EML1: variants seen among roughly 807,000 people sequenced by gnomAD.
EML1 encodes echinoderm microtubule-associated protein-like 1.
EML1 carries 27 observed loss-of-function variants against 110.4 expected under a neutral mutation model. The observed-to-expected ratio is 0.24, with a 90% CI of 0.18 to 0.34. EML1 has a LOEUF of 0.34. Among genes scored for constraint, EML1 ranks in the 10% least tolerant of loss-of-function variants. EML1 has a pLI of 1.00. For synonymous variants in EML1, 344 were observed against 385.8 expected (o/e 0.89, Z 1.27); for missense variants, 741 against 1,030.9 (o/e 0.72, Z 3.85).
At chr14:99,856,972 TTTTTTA>T (rs1467632379) in intron 2 of EML1, among the ~76,000 whole-genome samples, 1 of 152,200 alleles carries the variant, frequency 6.6e-6, no homozygotes, top group African/African-American at 2.4e-5. Context: ...ATATAGACTC[TTTTTTA>T]AAGTCCATAA....
In EML1 at chr14:99,940,994, T is replaced by G. The variant is rs2060579789; in HGVS notation, c.*882T>G. The G allele has an allele frequency of 6.6e-6, 1 of 152,202 alleles. No homozygotes were observed. Among genetic ancestry groups the G allele is most frequent in the Non-Finnish European group, 1.5e-5 (1 of 68,038 alleles). The allele number at this position is 152,202 out of a possible 1,614,324, so 9.4% of individuals were successfully genotyped here. A position where few individuals can be genotyped will look rare whatever the true frequency, so the allele number is the denominator to read the frequency against. ...GTCTTATGCTTATGGACATTGTATA[T>G]TTGTATTTTATGACCAAGTAGACCA... On this transcript the variant is annotated 3_prime_UTR_variant, in exon 22 of 22. Transcript: ENST00000262233.
At chr14:99,844,441 C>T (rs1290685783) in intron 1 of EML1, among the ~76,000 whole-genome samples, 2 of 149,910 alleles carry the variant, frequency 1.3e-5, no homozygotes, top group Admixed American at 1.3e-4. Flanking sequence ...ATCATACCAC[C>T]GCACTCCAGC....
Position 99,781,279 on chromosome 14 carries a change from C to G in EML1, c.-27+7266C>G, listed in dbSNP as rs1227657648. On this transcript the variant is annotated intron_variant, in intron 1 of 22. Coordinates refer to the EML1 transcript ENST00000327921. This position sits in a 1 kb window ranked among gnomAD's most constrained non-coding sequence, Gnocchi z 4.2. Reference sequence around the variant, plus strand: ...GTTTCCCGGTGCCTTTCTCCTCCCCCACCACCTGTTTCCTGGCCAGCTCTA... The same window carrying G: ...GTTTCCCGGTGCCTTTCTCCTCCCCGACCACCTGTTTCCTGGCCAGCTCTA... Among the ~76,000 whole-genome samples the G allele has an allele frequency of 1.3e-5, 2 of 152,144 alleles. No homozygotes were observed. Among genetic ancestry groups the G allele is most frequent in the Non-Finnish European group, 2.9e-5 (2 of 68,022 alleles).
At chr14:99,831,274 A>T (rs184074800) in intron 1 of EML1, among the ~76,000 whole-genome samples, 22 of 151,870 alleles carry the variant, frequency 1.4e-4, no homozygotes, top group African/African-American at 5.1e-4. Context: ...AGATCTGAAT[A>T]TTCCGCAAAA....
At chr14:99,904,822 G>A (rs775422408) in intron 9 of EML1, among the ~76,000 whole-genome samples, 3 of 152,168 alleles carry the variant, frequency 2.0e-5, no homozygotes, top group Non-Finnish European at 2.9e-5. Flanking sequence ...TGACCAGTTT[G>A]CTGTGCTACT....
At chr14:99,881,726 G>A (rs2059387666) in intron 4 of EML1, among the ~76,000 whole-genome samples, 2 of 151,428 alleles carry the variant, frequency 1.3e-5, no homozygotes, top group Admixed American at 1.3e-4. Context: ...TCAGCCTCCC[G>A]AGAAGCTGGG....
chr14:99,795,289 T>C (rs1052963779), intron 1 of EML1, among the ~76,000 whole-genome samples: 10 of 152,240 alleles, frequency 6.6e-5, no homozygotes, highest in African/African-American at 1.4e-4. Flanking sequence ...CCTAGAGATA[T>C]TGGCATGGTA....
intron 8 of EML1, among the ~76,000 whole-genome samples, chr14:99,899,200 T>TC (rs2308182): frequency 2.6e-5 from 4 of 151,918 alleles, no homozygotes; most frequent in Admixed American, 1.3e-4. Flanking sequence ...GAAACTAATT[T>TC]AAGTACATAC....
In EML1 at chr14:99,756,668, G is replaced by A. The variant is rs111263883; in HGVS notation, c.28+18808G>A. The stretch of plus-strand genomic sequence containing the variant: ...TCAAACGCTGGTGGGCACTGCAGTC[G>A]CCTGGAGGTGGGGAGGTGTTTGTTA... On this transcript the variant is annotated intron_variant, in intron 1 of 10. Transcript: ENST00000554479. Among the ~76,000 whole-genome samples, 8 of 152,246 alleles carry A rather than the reference G, an allele frequency of 5.3e-5. 1 individual carries two copies. The highest frequency in any genetic ancestry group is 2.0e-4 in the Admixed American group (3 of 15,292).
At chr14:99,850,335 A>G in intron 1 of EML1, 1 of 1,289,082 alleles carries the variant, frequency 7.8e-7, no homozygotes, top group South Asian at 1.2e-5. Flanking sequence ...GATTCTGAGT[A>G]AGAAAATATG....
At chr14:99,883,072 G>A (rs1309925490) in intron 4 of EML1, among the ~76,000 whole-genome samples, 3 of 152,078 alleles carry the variant, frequency 2.0e-5, no homozygotes, top group Non-Finnish European at 2.9e-5. Context: ...TGCTGCCGTC[G>A]GCTCAACAGT....
intron 1 of EML1, among the ~76,000 whole-genome samples, chr14:99,776,199 A>C (rs1323527471): frequency 2.6e-5 from 4 of 152,172 alleles, no homozygotes; most frequent in Admixed American, 1.3e-4. Flanking sequence ...AATGGAGGAA[A>C]TATAAAAACC....
chr14:99,847,595 G>A (rs1297092709), intron 1 of EML1, among the ~76,000 whole-genome samples: 1 of 152,124 alleles, frequency 6.6e-6, no homozygotes, highest in Non-Finnish European at 1.5e-5. Context: ...TGTTCTATCA[G>A]TTGCTGAGAG....
At chr14:99,828,700 G>T (rs1003689909) in intron 1 of EML1, among the ~76,000 whole-genome samples, 1 of 152,082 alleles carries the variant, frequency 6.6e-6, no homozygotes, top group Non-Finnish European at 1.5e-5. Context: ...ACTACAAATA[G>T]CCTGCTGTTG....
At chr14:99,865,750 A>T in intron 3 of EML1, 104 bp downstream of exon 3, 1 of 1,398,856 alleles carries the variant, frequency 7.1e-7, no homozygotes, top group Non-Finnish European at 9.5e-7. Context: ...TTCTTCTGTG[A>T]GTTAAAGCTT....
At chr14:99,880,502 G>A (rs1383691466) in intron 4 of EML1, among the ~76,000 whole-genome samples, 1 of 152,116 alleles carries the variant, frequency 6.6e-6, no homozygotes, top group Non-Finnish European at 1.5e-5. Flanking sequence ...CTCGAGGATG[G>A]GACACAGGGA....
Position 99,781,142 on chromosome 14 carries a change from C to T in EML1, c.-27+7129C>T, listed in dbSNP as rs377101009. On this transcript the variant is annotated intron_variant, in intron 1 of 22. Coordinates refer to the EML1 transcript ENST00000327921. The surrounding 1 kb of genome is among the most constrained non-coding windows in gnomAD (Gnocchi z 4.2). ...TCCTCTGGACCCCTGTTCCACTGGCCGCCTCCCTTCTCCTTGACTCGTCCC... is the reference window on the plus strand; with the variant it reads ...TCCTCTGGACCCCTGTTCCACTGGCTGCCTCCCTTCTCCTTGACTCGTCCC... 7.6e-4 allele frequency among the ~76,000 whole-genome samples: 116 copies of T among 152,092 alleles called. 1 individual carries two copies. The highest frequency in any genetic ancestry group is 2.4e-3 in the African/African-American group (99 of 41,470).
At chr14:99,768,366 G>A (rs941255427), upstream of EML1, among the ~76,000 whole-genome samples, 4 of 152,204 alleles carry the variant, frequency 2.6e-5, no homozygotes, top group African/African-American at 9.7e-5. Context: ...CGCTGTCTGA[G>A]CTGGGGTGGT....
chr14:99,939,199 G>T lies in EML1; in HGVS notation c.2194G>T (p.Val732Leu), dbSNP rs1566949789. The T allele has an allele frequency of 6.2e-7, 1 of 1,614,140 alleles. No individual in the cohort carries two copies. The highest frequency in any genetic ancestry group is 8.5e-7 in the Non-Finnish European group (1 of 1,179,996). Residue 732 changes from valine to leucine, a missense_variant and splice_region_variant, in exon 21 of 22, where the codon GTG (valine) becomes TTG (leucine). This residue lies in a region of EML1 where 114 missense variants were observed against 122.5 expected (regional missense o/e 0.93). Transcript: ENST00000262233. This position sits in a 1 kb window ranked among gnomAD's most constrained non-coding sequence, Gnocchi z 4.2. ...TCTLGFHVFG[V>L]WPEGSDGTDI... is the part of the protein sequence containing the mutation. ...CCTGTTTGTGGTCTTTGTTTTAGGA[G>T]TGTGGCCAGAAGGCTCGGACGGAAC...
Sources: gnomAD v4.1 joint callset for allele counts (sites outside exome capture counted in the v4.1 genomes callset) on GRCh38, gnomAD v4.1.1 for gene constraint, gnomAD v4.1.1 regional missense constraint, Gnocchi (gnomAD v3.1) non-coding constraint, MANE v1.5 for transcripts, NCBI Gene and HGNC (gene_info 2026-07-23, HGNC 2026-07-21) for gene names.